GNG4: variants seen among roughly 807,000 people sequenced by gnomAD.
The protein encoded by GNG4 is G protein subunit gamma 4, also known as guanine nucleotide-binding protein G(I)/G(S)/G(O) subunit gamma-4.
A neutral mutation model predicts 5.8 loss-of-function variants in GNG4; 4 were observed. The observed-to-expected ratio is 0.69, with a 90% CI of 0.34 to 1.57. GNG4 has a LOEUF of 1.57. Among genes scored for constraint, GNG4 ranks in the 40% most tolerant of loss-of-function variants. The probability of loss-of-function intolerance (pLI) is 0.06; values close to 1 mark genes in which losing one functional copy is unlikely to be tolerated. For missense variants in GNG4, 96 were observed against 95.1 expected, an observed-to-expected ratio of 1.01 and a Z score of -0.04; for synonymous variants, 29 against 32.9, an observed-to-expected ratio of 0.88 and a Z score of 0.41.
chr1:235,587,775 T>G (rs1571897871), intron 2 of GNG4, among the ~76,000 whole-genome samples: 19 of 86,962 alleles, frequency 2.2e-4, no homozygotes, highest in Admixed American at 4.9e-4. Flanking sequence ...GAGTGTGGGG[T>G]GGGGGTGTGT....
rs1278621971 is a variant in GNG4, at chr1:235,549,769, T to G, written c.*2340A>C. ...GAGGGCAGCAAGTCATTAATTGGTC[T>G]GGAAATTACATTTGCCTCTTTGCAG... On this transcript the variant is annotated 3_prime_UTR_variant, in exon 4 of 4. Coordinates refer to ENST00000391854, the MANE Select transcript of GNG4 (RefSeq NM_001098722.2). 1 of 152,260 alleles carries G rather than the reference T, an allele frequency of 6.6e-6. No homozygotes were observed. The highest frequency in any genetic ancestry group is 1.5e-5 in the Non-Finnish European group (1 of 68,044). The allele number at this position is 152,260 out of a possible 1,614,324, so 9.4% of individuals were successfully genotyped here. A position where few individuals can be genotyped will look rare whatever the true frequency, so the allele number is the denominator to read the frequency against.
intron 1 of GNG4, among the ~76,000 whole-genome samples, chr1:235,620,308 T>G (rs1688679994): frequency 6.6e-6 from 1 of 150,792 alleles, no homozygotes; most frequent in African/African-American, 2.4e-5. Flanking sequence ...GAGGTTGCGG[T>G]GAGCCGAGAT....
intron 3 of GNG4, among the ~76,000 whole-genome samples, chr1:235,567,171 C>A (rs150991944): frequency 2.0e-5 from 3 of 152,080 alleles, no homozygotes; most frequent in Admixed American, 2.0e-4. Context: ...TGAGCTCAAG[C>A]AATTCTCCCA....
In GNG4 at chr1:235,573,731, C is replaced by T. The variant is rs1023430569; in HGVS notation, c.99+10009G>A. Among the ~76,000 whole-genome samples, 10 of 151,926 alleles carry T rather than the reference C, an allele frequency of 6.6e-5. No homozygotes were observed. The East Asian group carries it at 1.7e-3, about 27-fold the overall frequency. On this transcript the variant is annotated intron_variant, in intron 3 of 3. Transcript: ENST00000391854. ...GGCGGAGGTTGCAGTGAGCCGAGAT[C>T]GTGCCACTGCACTCCAGCCTGGGTG...
chr1:235,610,042 G>A (rs906757446), intron 1 of GNG4, among the ~76,000 whole-genome samples: 3 of 152,076 alleles, frequency 2.0e-5, no homozygotes, highest in South Asian at 2.1e-4. Context: ...ATCCTCTAAC[G>A]CTATTCAGAT....
intron 1 of GNG4, among the ~76,000 whole-genome samples, chr1:235,605,964 G>GC (rs1372451650): frequency 2.1e-5 from 3 of 143,526 alleles, no homozygotes; most frequent in Non-Finnish European, 4.6e-5. Context: ...GTGGGGGGGT[G>GC]GGTCTCACTG....
At chr1:235,621,281 CT>C (rs149843659) in intron 1 of GNG4, among the ~76,000 whole-genome samples, 4,007 of 108,208 alleles carry the variant, frequency 0.037, 184 homozygotes, top group African/African-American at 0.12. Flanking sequence ...TTTTCTTTTT[CT>C]TTTTCTTTTC....
intron 1 of GNG4, among the ~76,000 whole-genome samples, chr1:235,605,395 G>A (rs937029510): frequency 2.0e-5 from 3 of 152,138 alleles, no homozygotes; most frequent in Admixed American, 6.5e-5. Context: ...GGCTGGTCTC[G>A]AACTCTGGAC....
intron 1 of GNG4, among the ~76,000 whole-genome samples, chr1:235,601,544 G>T (rs888315949): frequency 6.6e-6 from 1 of 152,218 alleles, no homozygotes; most frequent in African/African-American, 2.4e-5. Flanking sequence ...GGTGCTGAGG[G>T]AGAGATGTAT....
intron 3 of GNG4, among the ~76,000 whole-genome samples, chr1:235,570,061 T>A (rs959619530): frequency 6.6e-6 from 1 of 152,240 alleles, no homozygotes; most frequent in Non-Finnish European, 1.5e-5. Context: ...ACCTGCAGAT[T>A]CAGGTCTTCC....
intron 2 of GNG4, among the ~76,000 whole-genome samples, chr1:235,588,457 T>A (rs914268788): frequency 4.6e-5 from 7 of 152,122 alleles, no homozygotes; most frequent in Non-Finnish European, 8.8e-5. Context: ...CTCAACAGCA[T>A]GACCCAACTA....
At chr1:235,578,767 TG>T (rs780373638) in intron 3 of GNG4, among the ~76,000 whole-genome samples, 28 of 151,966 alleles carry the variant, frequency 1.8e-4, no homozygotes, top group Non-Finnish European at 7.4e-5. Context: ...CCTGAGGCTG[TG>T]GGGTGGTGAG....
At chr1:235,646,279 T>C (rs1455786653) in intron 1 of GNG4, among the ~76,000 whole-genome samples, 2 of 152,216 alleles carry the variant, frequency 1.3e-5, no homozygotes, top group Non-Finnish European at 2.9e-5. Flanking sequence ...TTCTCCACTT[T>C]TTTCTCTTCC....
At chr1:235,619,326 G>A in intron 1 of GNG4, among the ~76,000 whole-genome samples, 1 of 151,740 alleles carries the variant, frequency 6.6e-6, no homozygotes, top group East Asian at 1.9e-4. Context: ...GATCCTGGGA[G>A]GTGGAGGCTG....
At chr1:235,554,945 T>C (rs978420889) in intron 3 of GNG4, among the ~76,000 whole-genome samples, 9 of 152,072 alleles carry the variant, frequency 5.9e-5, no homozygotes, top group African/African-American at 2.2e-4. Context: ...TTTTTGGACA[T>C]GCTCCAGTTT....
Position 235,596,707 on chromosome 1 carries a change from C to T in GNG4, c.-122-1196G>A, listed in dbSNP as rs192692204. Among the ~76,000 whole-genome samples, 600 of 152,070 alleles carry T rather than the reference C, an allele frequency of 3.9e-3. 3 individuals are homozygous for T. Among genetic ancestry groups the T allele is most frequent in the African/African-American group, 0.014 (561 of 41,484 alleles). On this transcript the variant is annotated intron_variant, in intron 1 of 3. Transcript: ENST00000391854. The stretch of plus-strand genomic sequence containing the variant: ...GACATTTAGCATAGAAGAGATCAGA[C>T]GACTCGAAAGCTCTTTTTTTTTAAT...
intron 1 of GNG4, chr1:235,616,367 G>A (rs1688589172): frequency 4.8e-6 from 2 of 418,738 alleles, no homozygotes; most frequent in East Asian, 6.2e-5. Context: ...GCTGGTCCTC[G>A]TGATATATTC....
chr1:235,573,603 C>T (rs1030944253), intron 3 of GNG4, among the ~76,000 whole-genome samples: 1 of 152,026 alleles, frequency 6.6e-6, no homozygotes, highest in African/African-American at 2.4e-5. Context: ...CAGTGAAACC[C>T]CGTCTCTACT....
At position 235,641,466 on chromosome 1, in the gene GNG4, G is replaced by A. The variant is rs1040539705; in HGVS notation, c.-123+8196C>T. On this transcript the variant is annotated intron_variant, in intron 1 of 3. Transcript: ENST00000391854. ...AGCACTTTGGGAGGCCGAGGCAGGC[G>A]GATCACCTGAGGTCAGGAGTTCTAG... 5.3e-5 allele frequency among the ~76,000 whole-genome samples: 8 copies of A among 152,112 alleles called. No individual in the cohort carries two copies. In the South Asian group the frequency reaches 6.2e-4, roughly 12 times the overall value.
Sources: allele counts gnomAD v4.1 joint callset (sites outside exome capture counted in the v4.1 genomes callset), GRCh38; gene constraint gnomAD v4.1.1; transcripts MANE v1.5; gene names NCBI Gene and HGNC (gene_info 2026-07-23, HGNC 2026-07-21).